The following MYO5B variants were observed in gnomAD, a reference collection of about 807,000 sequenced individuals.
MYO5B encodes the protein myosin VB, also known as unconventional myosin-Vb.
Under a neutral mutation model 229.3 loss-of-function variants are expected in MYO5B, and 143 were observed. That is an observed-to-expected ratio of 0.62 (90% CI 0.54 to 0.72). The LOEUF (loss-of-function observed/expected upper bound fraction) is 0.72. Among genes scored for constraint, MYO5B ranks in the 30% least tolerant of loss-of-function variants. The pLI, the probability that MYO5B is intolerant of heterozygous loss-of-function variation, is 0.00. For synonymous variants in MYO5B, 918 were observed against 885.2 expected (o/e 1.04, Z -0.66); for missense variants, 2,321 against 2,331.0 (o/e 1.00, Z 0.09).
intron 39 of MYO5B, among the ~76,000 whole-genome samples, chr18:49,827,550 G>C (rs1475720895): frequency 1.3e-5 from 2 of 152,122 alleles, no homozygotes; most frequent in Non-Finnish European, 2.9e-5. Context: ...ATTCACTAGA[G>C]AAGTTTAACC....
At chr18:50,077,926 C>T (rs2031126890) in intron 1 of MYO5B, among the ~76,000 whole-genome samples, 1 of 152,186 alleles carries the variant, frequency 6.6e-6, no homozygotes, top group African/African-American at 2.4e-5. Context: ...ACTGGAAATT[C>T]CACACAAGAA....
chr18:49,873,011 A>C (rs1026514413), intron 26 of MYO5B, among the ~76,000 whole-genome samples: 1 of 152,188 alleles, frequency 6.6e-6, no homozygotes, highest in Admixed American at 6.5e-5. Context: ...TTGTTTCCCA[A>C]CTAAACTCTA....
chr18:50,020,641 G>A (rs189241709), intron 4 of MYO5B, among the ~76,000 whole-genome samples: 1 of 152,206 alleles, frequency 6.6e-6, no homozygotes, highest in Non-Finnish European at 1.5e-5. Flanking sequence ...CAGAAGACAC[G>A]CAGCAAGGAT....
intron 14 of MYO5B, among the ~76,000 whole-genome samples, chr18:49,939,866 C>G (rs1284560383): frequency 2.0e-5 from 3 of 152,200 alleles, no homozygotes; most frequent in Admixed American, 6.5e-5. Flanking sequence ...CATAAGATAA[C>G]ACTTCCATGA....
intron 14 of MYO5B, among the ~76,000 whole-genome samples, chr18:49,938,346 G>A (rs774497695): frequency 4.6e-5 from 7 of 152,108 alleles, no homozygotes; most frequent in Non-Finnish European, 8.8e-5. Flanking sequence ...AAGAAGTTCA[G>A]TCTGACAGGA....
intron 22 of MYO5B, among the ~76,000 whole-genome samples, chr18:49,885,013 C>A (rs2024627591): frequency 6.6e-6 from 1 of 152,142 alleles, no homozygotes; most frequent in Admixed American, 6.5e-5. Context: ...GAAATCAGAA[C>A]CCTCATATGC....
At chr18:49,995,398 G>A (rs1478252877) in intron 5 of MYO5B, among the ~76,000 whole-genome samples, 5 of 149,984 alleles carry the variant, frequency 3.3e-5, no homozygotes, top group Non-Finnish European at 7.4e-5. Flanking sequence ...GGAACTACAG[G>A]CGCCCACCAC....
intron 1 of MYO5B, among the ~76,000 whole-genome samples, chr18:50,181,611 G>A (rs1213041479): frequency 1.3e-5 from 2 of 152,236 alleles, no homozygotes; most frequent in Non-Finnish European, 2.9e-5. Context: ...TTCATAAGAT[G>A]TATTGATGAG....
intron 1 of MYO5B, among the ~76,000 whole-genome samples, chr18:50,081,693 AT>A (rs2031225245): frequency 6.6e-6 from 1 of 151,338 alleles, no homozygotes; most frequent in African/African-American, 2.5e-5. Flanking sequence ...TTCTGGGAAA[AT>A]TTTTTCAGTC....
chr18:49,990,584 T>G (rs1220978091), intron 6 of MYO5B, 64 bp from the exon 7 acceptor site: 2 of 1,396,866 alleles, frequency 1.4e-6, no homozygotes, highest in Admixed American at 3.4e-5. Flanking sequence ...CCTCTGCCAC[T>G]GTAATCCCAG....
At chr18:50,183,943 TGCTTTGACATTCTCCAC>T (rs2033112513) in intron 1 of MYO5B, among the ~76,000 whole-genome samples, 2 of 152,332 alleles carry the variant, frequency 1.3e-5, no homozygotes, top group Admixed American at 1.3e-4. Context: ...TGTCTGCTTC[TGCTTTGACATTCTCCAC>T]CATGTTATGA....
chr18:49,875,553 C>T, intron 26 of MYO5B, 134 bp downstream of exon 26: 2 of 1,243,524 alleles, frequency 1.6e-6, no homozygotes, highest in African/African-American at 1.5e-5. Flanking sequence ...CTCCAATGCA[C>T]TAAGTAGGAG....
rs750546939 is a variant in MYO5B, at chr18:49,864,355, T to C, written c.3629A>G (p.Lys1210Arg). ...LKRQELESEN[K>R]KLKNDLNELR... ...CTCATTCAGGTCATTCTTCAGCTTTTTGTTCTCTGACTCCAGCTCTTGCCT... is the reference window on the plus strand; with the variant it reads ...CTCATTCAGGTCATTCTTCAGCTTTCTGTTCTCTGACTCCAGCTCTTGCCT... Residue 1210 changes from lysine (K) to arginine (R), a missense_variant, in exon 28 of 40, where the codon AAA becomes AGA. By Grantham distance (26) the Lys-to-Arg change is conservative. This residue lies in a region of MYO5B where 2,113 missense variants were observed against 2,044.7 expected (regional missense o/e 1.03). Transcript: ENST00000285039. 1 of 1,613,902 alleles carries C rather than the reference T, an allele frequency of 6.2e-7. No homozygotes were observed. Among genetic ancestry groups the C allele is most frequent in the African/African-American group, 1.3e-5 (1 of 75,074 alleles).
chr18:50,111,461 TCA>T (rs2031863100), intron 1 of MYO5B, among the ~76,000 whole-genome samples: 1 of 152,158 alleles, frequency 6.6e-6, no homozygotes, highest in Non-Finnish European at 1.5e-5. Flanking sequence ...CTTCTGGTTC[TCA>T]TTCTCTTTGA....
At chr18:50,169,291 G>A (rs1309275409) in intron 1 of MYO5B, among the ~76,000 whole-genome samples, 1 of 127,626 alleles carries the variant, frequency 7.8e-6, no homozygotes, top group Non-Finnish European at 1.7e-5. Context: ...CAAAGAGCAA[G>A]ACCTTGTCTC....
At chr18:50,134,305 C>T (rs969197615) in intron 1 of MYO5B, among the ~76,000 whole-genome samples, 8 of 150,994 alleles carry the variant, frequency 5.3e-5, no homozygotes, top group East Asian at 3.9e-4. Context: ...CCTGTAATCC[C>T]AGCACTATGG....
intron 22 of MYO5B, among the ~76,000 whole-genome samples, chr18:49,889,053 G>A (rs924559339): frequency 1.3e-5 from 2 of 152,240 alleles, no homozygotes; most frequent in Admixed American, 6.5e-5. Context: ...GCACCTGAAA[G>A]CTTATCAAAT....
intron 34 of MYO5B, among the ~76,000 whole-genome samples, chr18:49,841,804 G>A (rs998777717): frequency 1.3e-5 from 2 of 152,320 alleles, no homozygotes; most frequent in Middle Eastern, 3.4e-3. Context: ...TCGTCTAACC[G>A]CCTGGGCTAG....
At chr18:50,002,149 A>C (rs2026055341) in intron 4 of MYO5B, among the ~76,000 whole-genome samples, 1 of 152,090 alleles carries the variant, frequency 6.6e-6, no homozygotes, top group Non-Finnish European at 1.5e-5. Context: ...CTTCAAAAAC[A>C]TGGATCTTTT....
Sources: allele counts gnomAD v4.1 joint callset (sites outside exome capture counted in the v4.1 genomes callset), GRCh38; gene constraint gnomAD v4.1.1; regional missense constraint gnomAD v4.1.1; transcripts MANE v1.5; gene names NCBI Gene and HGNC (gene_info 2026-07-23, HGNC 2026-07-21).